SNX29: variants seen among roughly 807,000 people sequenced by gnomAD.
SNX29 encodes the protein sorting nexin 29.
Under a neutral mutation model 102.1 loss-of-function variants are expected in SNX29, and 78 were observed. The observed-to-expected ratio is 0.76, with a 90% confidence interval of 0.64 to 0.92. SNX29 has a LOEUF of 0.92. SNX29 is among the 40% of genes least tolerant of loss of function. SNX29 has a pLI of 0.00. For synonymous variants in SNX29, 580 were observed against 414.5 expected (o/e 1.40, Z -4.85); for missense variants, 1,280 against 1,061.7 (o/e 1.21, Z -2.86).
intron 18 of SNX29, among the ~76,000 whole-genome samples, chr16:12,447,238 A>C (rs1312908827): frequency 2.0e-5 from 3 of 150,870 alleles, no homozygotes; most frequent in African/African-American, 7.3e-5. Context: ...TCTTAAATAC[A>C]AACTTTGATT....
intron 13 of SNX29, among the ~76,000 whole-genome samples, chr16:12,182,597 C>G (rs989085676): frequency 2.6e-5 from 4 of 152,106 alleles, no homozygotes; most frequent in African/African-American, 4.8e-5. Context: ...AACCAGTTAC[C>G]TCTAGCCTGA....
intron 15 of SNX29, among the ~76,000 whole-genome samples, chr16:12,280,254 A>T (rs1429974296): frequency 6.6e-6 from 1 of 152,238 alleles, no homozygotes; most frequent in East Asian, 1.9e-4. Flanking sequence ...AACAGAGTAG[A>T]TGAGGGGAGA....
chr16:12,442,590 T>G (rs1301457310), intron 18 of SNX29, among the ~76,000 whole-genome samples: 2 of 124,894 alleles, frequency 1.6e-5, no homozygotes, highest in South Asian at 2.3e-4. Flanking sequence ...TGTTTTTTTG[T>G]TTTTTTTTTT....
At chr16:12,541,641 G>T (rs7500082) in intron 20 of SNX29, among the ~76,000 whole-genome samples, 13 of 151,886 alleles carry the variant, frequency 8.6e-5, no homozygotes, top group African/African-American at 1.9e-4. Context: ...TCGCATCTTC[G>T]TTCAGCCAGC....
At chr16:12,554,321 G>A (rs185741444) in intron 20 of SNX29, among the ~76,000 whole-genome samples, 53 of 152,278 alleles carry the variant, frequency 3.5e-4, no homozygotes, top group African/African-American at 1.1e-3. Flanking sequence ...TAACTAAAAT[G>A]GGACCAGATG....
chr16:12,506,499 T>G (rs2089385332), intron 19 of SNX29, among the ~76,000 whole-genome samples: 1 of 152,116 alleles, frequency 6.6e-6, no homozygotes, highest in Admixed American at 6.6e-5. Context: ...AAGTTATCTA[T>G]TATAAATTGT....
chr16:12,273,425 C>A (rs113159044), intron 14 of SNX29, among the ~76,000 whole-genome samples: 4,519 of 149,356 alleles, frequency 0.03, 98 homozygotes, highest in Admixed American at 0.063. Flanking sequence ...ATGGTGGGAT[C>A]TCGGCTCACT....
At chr16:12,116,511 AAAAAATAC>A (rs1425778291) in intron 11 of SNX29, among the ~76,000 whole-genome samples, 1 of 152,166 alleles carries the variant, frequency 6.6e-6, no homozygotes, top group East Asian at 1.9e-4. Context: ...ATCTCTACTT[AAAAAATAC>A]AAAAATTAGC....
chr16:12,157,928 C>T (rs943344818), intron 13 of SNX29, among the ~76,000 whole-genome samples: 6 of 152,180 alleles, frequency 3.9e-5, no homozygotes, highest in African/African-American at 9.7e-5. Context: ...GTGAAGGCGC[C>T]GTGATTCCCT....
intron 14 of SNX29, among the ~76,000 whole-genome samples, chr16:12,247,836 T>G (rs2078304055): frequency 6.6e-6 from 1 of 152,230 alleles, no homozygotes; most frequent in Non-Finnish European, 1.5e-5. Context: ...CCACATGTGC[T>G]TCTTAGTCCA....
intron 20 of SNX29, among the ~76,000 whole-genome samples, chr16:12,547,951 G>A (rs759659766): frequency 2.0e-5 from 3 of 152,138 alleles, no homozygotes; most frequent in Admixed American, 6.5e-5. Flanking sequence ...CTGCCCTCAA[G>A]GTGCTCAGTC....
At chr16:12,239,075 G>A (rs750957273) in intron 14 of SNX29, among the ~76,000 whole-genome samples, 4 of 152,168 alleles carry the variant, frequency 2.6e-5, no homozygotes, top group Non-Finnish European at 5.9e-5. Context: ...GAACTTAGTC[G>A]GTGGCACCAC....
intron 1 of SNX29, chr16:11,977,066 C>T: frequency 2.5e-6 from 1 of 393,738 alleles, no homozygotes; most frequent in Non-Finnish European, 4.4e-6. Context: ...AGCTCCTAAA[C>T]CCCTGTCCCC....
intron 15 of SNX29, among the ~76,000 whole-genome samples, chr16:12,288,739 A>G (rs1029571206): frequency 4.6e-5 from 7 of 151,728 alleles, no homozygotes; most frequent in Non-Finnish European, 1.0e-4. Flanking sequence ...TTGAGGGGCT[A>G]TTCTATTTTT....
At chr16:12,164,640 C>G (rs1272427312) in intron 13 of SNX29, among the ~76,000 whole-genome samples, 2 of 143,308 alleles carry the variant, frequency 1.4e-5, no homozygotes, top group Admixed American at 1.4e-4. Flanking sequence ...GATTTTCTTA[C>G]TTTGGGCAGC....
At chr16:12,235,270 C>A (rs1302321347) in intron 14 of SNX29, among the ~76,000 whole-genome samples, 1 of 152,104 alleles carries the variant, frequency 6.6e-6, no homozygotes, top group Non-Finnish European at 1.5e-5. Flanking sequence ...TCCCCTTCAC[C>A]AACGTGCCCC....
intron 15 of SNX29, among the ~76,000 whole-genome samples, chr16:12,322,791 C>A (rs930566967): frequency 5.7e-5 from 7 of 123,132 alleles, no homozygotes; most frequent in Admixed American, 4.1e-4. Flanking sequence ...CAGTAGGGGG[C>A]CACTGTCAGG....
At chr16:12,419,577 T>G (rs1310821185) in intron 18 of SNX29, among the ~76,000 whole-genome samples, 2 of 151,354 alleles carry the variant, frequency 1.3e-5, no homozygotes, top group Non-Finnish European at 2.9e-5. Context: ...CCCCCCCATC[T>G]TTCTGTCGAT....
At chr16:12,261,805 C>T (rs1237140582) in intron 14 of SNX29, among the ~76,000 whole-genome samples, 5 of 130,842 alleles carry the variant, frequency 3.8e-5, no homozygotes, top group Non-Finnish European at 6.3e-5. Flanking sequence ...GGTCTGTGCA[C>T]GTGTCCCCGG....
Sources: allele counts gnomAD v4.1 joint callset (sites outside exome capture counted in the v4.1 genomes callset), GRCh38; gene constraint gnomAD v4.1.1; transcripts MANE v1.5; gene names NCBI Gene and HGNC (gene_info 2026-07-23, HGNC 2026-07-21).